Variants in SOS1 observed in about 807,000 individuals in gnomAD.
SOS1 encodes the protein SOS Ras/Rac guanine nucleotide exchange factor 1.
Under a neutral mutation model 157.6 loss-of-function variants are expected in SOS1, and 25 were observed. The ratio of observed to expected loss-of-function variants is 0.16; its 90% CI spans 0.12 to 0.22. The LOEUF is 0.22. Ranked by LOEUF, SOS1 falls within the 10% of genes least tolerant of loss-of-function variation. The pLI, the probability that SOS1 is intolerant of heterozygous loss-of-function variation, is 1.00. For synonymous variants in SOS1, 528 were observed against 534.0 expected (o/e 0.99, Z 0.16); for missense variants, 1,237 against 1,599.1 (o/e 0.77, Z 3.86).
intron 1 of SOS1, among the ~76,000 whole-genome samples, chr2:39,094,395 C>T (rs999985643): frequency 1.3e-5 from 2 of 152,098 alleles, no homozygotes; most frequent in African/African-American, 4.8e-5. Flanking sequence ...CGCCTGTAAT[C>T]CCAGCTCTTT....
chr2:38,989,282 G>T lies in SOS1; in HGVS notation c.3379C>A (p.Pro1127Thr). 6.2e-7 allele frequency: 1 copy of T among 1,605,428 alleles called. No individual in the cohort carries two copies. Among genetic ancestry groups the T allele is most frequent in the Non-Finnish European group, 8.5e-7 (1 of 1,172,490 alleles). Residue 1127 changes from proline (P) to threonine (T), a missense_variant, in exon 21 of 23, where the codon CCC becomes ACC. Transcript: ENST00000402219. ...CAAATATACTAACTTGGGCCATGGG[G>T]CAGAGTAACTTGGATAAAGACGGTA... ...NDTVFIQVTL[P>T]HGPRSASVSS...
At chr2:39,014,249 C>T (rs570363088) in intron 11 of SOS1, among the ~76,000 whole-genome samples, 121 of 152,078 alleles carry the variant, frequency 8.0e-4, no homozygotes, top group African/African-American at 2.6e-3. Flanking sequence ...CATGCAAATT[C>T]TAAAAATAAA....
At chr2:39,030,812 C>T (rs927101936) in intron 8 of SOS1, among the ~76,000 whole-genome samples, 2 of 152,104 alleles carry the variant, frequency 1.3e-5, no homozygotes, top group African/African-American at 4.8e-5. Flanking sequence ...ATGAGATCAT[C>T]TTGGATTAGG....
At chr2:39,047,300 A>C (rs1399959130) in intron 6 of SOS1, among the ~76,000 whole-genome samples, 1 of 152,208 alleles carries the variant, frequency 6.6e-6, no homozygotes, top group East Asian at 1.9e-4. Context: ...TTTATCCCTT[A>C]TGAATAAACC....
At chr2:39,064,833 C>T (rs1201373771) in intron 2 of SOS1, among the ~76,000 whole-genome samples, 2 of 124,196 alleles carry the variant, frequency 1.6e-5, no homozygotes, top group Non-Finnish European at 3.2e-5. Flanking sequence ...ACTGCAACTT[C>T]TGCCTCCCGG....
intron 1 of SOS1, among the ~76,000 whole-genome samples, chr2:39,116,146 AC>A: frequency 6.6e-6 from 1 of 150,662 alleles, no homozygotes. Context: ...TCAGATACCA[AC>A]AACCAATAGC....
At chr2:39,095,518 A>G (rs531571387) in intron 1 of SOS1, among the ~76,000 whole-genome samples, 1 of 152,336 alleles carries the variant, frequency 6.6e-6, no homozygotes, top group African/African-American at 2.4e-5. Context: ...TAAGTACCAG[A>G]GTTCTGCAGG....
At chr2:39,034,846 C>A (rs1670288499) in intron 8 of SOS1, 1 of 459,490 alleles carries the variant, frequency 2.2e-6, no homozygotes, top group South Asian at 1.5e-5. Flanking sequence ...CTGCTGAGGT[C>A]CCCAAATGGA....
rs942917505 is a variant in SOS1 at position 39,057,000 on chromosome 2, A to G, written c.346-134T>C. The G allele has an allele frequency of 4.3e-6, 3 of 696,310 alleles. No individual in the cohort carries two copies. In the African/African-American group the frequency reaches 5.4e-5, roughly 12 times the overall value. 43.1% of individuals were successfully genotyped at this position (696,310 alleles called of 1,614,324 possible). A position where few individuals can be genotyped will look rare whatever the true frequency, so the allele number is the denominator to read the frequency against. On this transcript the variant is annotated intron_variant, in intron 3 of 22. Coordinates refer to ENST00000402219, the MANE Select transcript of SOS1 (RefSeq NM_005633.4). The stretch of plus-strand genomic sequence containing the variant: ...GGCCTGTGCTTACCAACAACATTTA[A>G]TTGTAAGTGGTTCAACAATGAATAA...
chr2:39,099,222 A>G (rs527450594), intron 1 of SOS1, among the ~76,000 whole-genome samples: 2 of 152,378 alleles, frequency 1.3e-5, no homozygotes, highest in African/African-American at 4.8e-5. Context: ...TGATGAATGT[A>G]TAAGCAAAAT....
chr2:39,050,702 G>A (rs1004205860), intron 6 of SOS1, among the ~76,000 whole-genome samples: 1 of 152,178 alleles, frequency 6.6e-6, no homozygotes, highest in Admixed American at 6.5e-5. Context: ...TACTCAACCT[G>A]TATTATCATT....
At chr2:39,116,648 T>G (rs1206222271) in intron 1 of SOS1, among the ~76,000 whole-genome samples, 1 of 152,210 alleles carries the variant, frequency 6.6e-6, no homozygotes, top group African/African-American at 2.4e-5. Flanking sequence ...GGCAGGCAGA[T>G]GGCTTGAGCC....
At chr2:39,079,487 AT>A (rs1201929648) in intron 1 of SOS1, among the ~76,000 whole-genome samples, 6 of 82,702 alleles carry the variant, frequency 7.3e-5, no homozygotes, top group East Asian at 3.6e-4. Context: ...AAGTGTTCGA[AT>A]TTTTTTTTTT....
At chr2:39,061,812 T>G (rs1318087678) in intron 2 of SOS1, among the ~76,000 whole-genome samples, 1 of 152,210 alleles carries the variant, frequency 6.6e-6, no homozygotes, top group Non-Finnish European at 1.5e-5. Flanking sequence ...AAACTCTATC[T>G]TGATTAATAT....
chr2:39,013,496 A>G lies in SOS1; in HGVS notation c.2131T>C (p.Leu711=), dbSNP rs1669532517. ...FYDFERDAYL[L]QRMEEFIGTV... ...CCAATAAATTCTTCCATTCGTTGCA[A>G]AAGATATGCATCTCTTTCAAAATCA... Residue 711 remains leucine, a synonymous_variant, in exon 13 of 23, where the codon TTG becomes CTG. Coordinates refer to ENST00000402219, the MANE Select transcript of SOS1 (RefSeq NM_005633.4). The G allele has an allele frequency of 4.3e-6, 7 of 1,612,868 alleles. No individual in the cohort carries two copies. In the South Asian group the frequency reaches 4.4e-5, roughly 10 times the overall value.
chr2:39,107,732 T>C (rs1367654299), intron 1 of SOS1, among the ~76,000 whole-genome samples: 5 of 152,028 alleles, frequency 3.3e-5, no homozygotes, highest in Non-Finnish European at 7.4e-5. Context: ...TGCTTCCCTA[T>C]TTGCTAAAAC....
chr2:39,064,022 C>G (rs1319399789), intron 2 of SOS1, among the ~76,000 whole-genome samples: 1 of 152,008 alleles, frequency 6.6e-6, no homozygotes, highest in African/African-American at 2.4e-5. Flanking sequence ...TTAGTAAAGA[C>G]AGGGTTTTGC....
chr2:39,064,952 T>G (rs1671545145), intron 2 of SOS1, among the ~76,000 whole-genome samples: 1 of 151,266 alleles, frequency 6.6e-6, no homozygotes, highest in African/African-American at 2.4e-5. Context: ...GAGATGGGGT[T>G]TCACCATGTT....
At chr2:39,115,604 T>C (rs1024436320) in intron 1 of SOS1, among the ~76,000 whole-genome samples, 4 of 151,898 alleles carry the variant, frequency 2.6e-5, no homozygotes, top group Non-Finnish European at 5.9e-5. Flanking sequence ...TTTTGGCTAA[T>C]TTTTTAAGTT....
Sources: gnomAD v4.1 joint callset for allele counts (sites outside exome capture counted in the v4.1 genomes callset) on GRCh38, gnomAD v4.1.1 for gene constraint, MANE v1.5 for transcripts, NCBI Gene and HGNC (gene_info 2026-07-23, HGNC 2026-07-21) for gene names.